Variants in CFAP74 observed in about 807,000 individuals in gnomAD.
CFAP74 encodes cilia and flagella associated protein 74.
Under a neutral mutation model 188.9 loss-of-function variants are expected in CFAP74, and 124 were observed. The ratio of observed to expected loss-of-function variants is 0.66; its 90% CI spans 0.57 to 0.76. The LOEUF (loss-of-function observed/expected upper bound fraction) is 0.76. CFAP74 is among the 30% of genes least tolerant of loss of function. CFAP74 has a pLI of 0.00. For synonymous variants in CFAP74, 956 were observed against 916.7 expected (o/e 1.04, Z -0.77); for missense variants, 2,198 against 2,165.2 (o/e 1.02, Z -0.30).
In CFAP74 at chr1:1,980,082, G is replaced by A. The variant is rs569013362; in HGVS notation, c.500+5304C>T. On this transcript the variant is annotated intron_variant, in intron 6 of 38. Coordinates refer to ENST00000682832, the MANE Select transcript of CFAP74 (RefSeq NM_001304360.2). ...CACCCTCTTACCGCGTGGGGAGGAC[G>A]GGTGAACGAGAGTGTATCTAAGCCA... Among the ~76,000 whole-genome samples, 136 of 134,520 alleles carry A rather than the reference G, an allele frequency of 1.0e-3. 2 individuals are homozygous for A. The highest frequency in any genetic ancestry group is 1.4e-3 in the Non-Finnish European group (85 of 59,478). 88.3% of individuals were successfully genotyped at this position (134,520 alleles called of 152,430 possible).
chr1:2,001,874 AT>A (rs1182847882), intron 1 of CFAP74, among the ~76,000 whole-genome samples: 12 of 152,210 alleles, frequency 7.9e-5, no homozygotes, highest in African/African-American at 2.7e-4. Flanking sequence ...CTCCAAAGTA[AT>A]TGGCCCATGA....
chr1:1,965,783 GA>G (rs1397116030), intron 12 of CFAP74, among the ~76,000 whole-genome samples: 1 of 152,190 alleles, frequency 6.6e-6, no homozygotes, highest in Non-Finnish European at 1.5e-5. Context: ...GGCATCCCCA[GA>G]ACCAGCAGAA....
chr1:1,985,589 A>C (rs1657184354), intron 5 of CFAP74, 99 bp from the exon 6 acceptor site: 2 of 977,726 alleles, frequency 2.0e-6, no homozygotes. Context: ...CTCGCTCAGG[A>C]GGGAAATCTC....
chr1:1,994,255 T>C (rs1570996551), intron 1 of CFAP74, among the ~76,000 whole-genome samples: 1 of 151,522 alleles, frequency 6.6e-6, no homozygotes, highest in South Asian at 2.1e-4. Flanking sequence ...AGCACTACCA[T>C]TTTGCATTGA....
chr1:1,954,875 A>G (rs1290860722), intron 18 of CFAP74: 4 of 1,152,384 alleles, frequency 3.5e-6, no homozygotes, highest in East Asian at 7.4e-5. Context: ...CCCTGTGGGA[A>G]CTCACACACA....
At chr1:1,971,927 C>G in intron 9 of CFAP74, 53 bp downstream of exon 9, 1 of 1,414,022 alleles carries the variant, frequency 7.1e-7, no homozygotes, top group Non-Finnish European at 9.9e-7. Context: ...GGCCCAGGGA[C>G]GGACCCCGGC....
At chr1:1,959,718 G>A (rs1362723136) in intron 15 of CFAP74, among the ~76,000 whole-genome samples, 1 of 152,192 alleles carries the variant, frequency 6.6e-6, no homozygotes, top group African/African-American at 2.4e-5. Context: ...CAGCCCTCCC[G>A]ACTTAGACCC....
Position 1,938,903 on chromosome 1 carries a change from T to C in CFAP74, c.2963A>G (p.Lys988Arg). 1 of 1,536,168 alleles carries C rather than the reference T, an allele frequency of 6.5e-7. No individual in the cohort carries two copies. The highest frequency in any genetic ancestry group is 8.7e-7 in the Non-Finnish European group (1 of 1,146,912). Residue 988 changes from lysine to arginine, a missense_variant, in exon 25 of 39, where the codon AAG (lysine) becomes AGG (arginine). Physicochemically the swap from Lys to Arg is conservative, Grantham distance 26 (BLOSUM62 2). Coordinates refer to ENST00000682832, the MANE Select transcript of CFAP74 (RefSeq NM_001304360.2). ...CAGTTGGAATCTGTGTTCCTCGGCC[T>C]TGGTGGGCTGGAAGATCACACAGAA... ...LQFCVIFQPT[K>R]AEEHRFQLTC...
chr1:1,947,705 G>A (rs1279275218), intron 18 of CFAP74, among the ~76,000 whole-genome samples: 2 of 152,234 alleles, frequency 1.3e-5, no homozygotes, highest in African/African-American at 4.8e-5. Context: ...CAGAGCAGCT[G>A]GGCCACCAGC....
intron 9 of CFAP74, 117 bp from the exon 10 acceptor site, chr1:1,970,933 A>G: frequency 1.7e-6 from 2 of 1,202,584 alleles, no homozygotes; most frequent in Non-Finnish European, 1.2e-6. Context: ...ACACGTGCAC[A>G]CACACATGCA....
Position 1,926,898 on chromosome 1 carries a change from A to T in CFAP74, c.3658T>A (p.Phe1220Ile). The change falls in exon 29 of 39, where the codon TTC becomes ATC. Residue 1220 changes from phenylalanine (F) to isoleucine (I), a missense_variant. By Grantham distance (21) the Phe-to-Ile change is conservative. Transcript: ENST00000682832. ...TCTGGCCAGAGCACCCCGCACCTGA[A>T]GCTCAGGGGTTCTGACCCCTTCCTG... Reference protein sequence around the residue: ...KDRKGSEPLSFSPHNTLYLEL... With the variant: ...KDRKGSEPLSISPHNTLYLEL... 6.5e-7 allele frequency: 1 copy of T among 1,550,006 alleles called. No individual in the cohort carries two copies. The highest frequency in any genetic ancestry group is 8.7e-7 in the Non-Finnish European group (1 of 1,146,766).
intron 33 of CFAP74, among the ~76,000 whole-genome samples, chr1:1,925,559 G>A (rs1232182329): frequency 6.6e-6 from 1 of 152,146 alleles, no homozygotes; most frequent in Non-Finnish European, 1.5e-5. Flanking sequence ...GGGAGGTGGG[G>A]AGGACTAGGG....
Position 1,939,713 on chromosome 1 carries a change from G to C in CFAP74, c.2758C>G (p.Leu920Val). ...HAIVTTSDLE[L>V]SPSEVDFGYC... ...CCAAAATCCACCTCCGAGGGACTGA[G>C]CTCCAGGTCCGAGGTGGTGACAATG... Residue 920 changes from leucine (L) to valine (V), a missense_variant, in exon 24 of 39, where the codon CTC (leucine) becomes GTC (valine). Coordinates refer to ENST00000682832, the MANE Select transcript of CFAP74 (RefSeq NM_001304360.2). The C allele has an allele frequency of 1.3e-6, 2 of 1,536,098 alleles. No individual in the cohort carries two copies. Among genetic ancestry groups the C allele is most frequent in the Non-Finnish European group, 1.7e-6 (2 of 1,146,866 alleles).
chr1:1,933,429 C>T (rs1158237321), intron 25 of CFAP74, among the ~76,000 whole-genome samples: 1 of 152,132 alleles, frequency 6.6e-6, no homozygotes, highest in Non-Finnish European at 1.5e-5. Flanking sequence ...ATCCGCCCGC[C>T]TCGGCCTCCC....
chr1:1,949,115 CT>C (rs1240284212), intron 18 of CFAP74, among the ~76,000 whole-genome samples: 94 of 124,700 alleles, frequency 7.5e-4, no homozygotes, highest in Non-Finnish European at 9.0e-4. Context: ...CCTTCCTTTC[CT>C]TTCTTCCCTT....
intron 4 of CFAP74, among the ~76,000 whole-genome samples, chr1:1,987,599 T>G (rs1335207580): frequency 1.3e-5 from 2 of 151,590 alleles, no homozygotes; most frequent in African/African-American, 2.4e-5. Context: ...TGGAGTGCAG[T>G]GGCGCGATCT....
At position 1,938,903 on chromosome 1, in the gene CFAP74, T is replaced by G. The variant is rs1173274148; in HGVS notation, c.2963A>C (p.Lys988Thr). Residue 988 changes from lysine to threonine, a missense_variant, in exon 25 of 39, where the codon AAG (lysine) becomes ACG (threonine). Physicochemically the swap from Lys to Thr is moderately conservative, Grantham distance 78. Transcript: ENST00000682832. ...CAGTTGGAATCTGTGTTCCTCGGCC[T>G]TGGTGGGCTGGAAGATCACACAGAA... ...LQFCVIFQPT[K>T]AEEHRFQLTC... The G allele has an allele frequency of 5.2e-6, 8 of 1,536,050 alleles. No homozygotes were observed. Among genetic ancestry groups the G allele is most frequent in the Non-Finnish European group, 7.0e-6 (8 of 1,146,920 alleles).
chr1:1,937,369 A>T (rs1652972265), intron 25 of CFAP74, among the ~76,000 whole-genome samples: 1 of 152,222 alleles, frequency 6.6e-6, no homozygotes, highest in Admixed American at 6.5e-5. Flanking sequence ...ACCTGTGGCA[A>T]TTCCACAGGA....
chr1:1,969,387 C>G (rs1346106294), intron 10 of CFAP74, among the ~76,000 whole-genome samples: 1 of 147,432 alleles, frequency 6.8e-6, no homozygotes, highest in Non-Finnish European at 1.5e-5. Context: ...CCTGCCAAGC[C>G]CAGCCTTGCC....
Sources: allele counts gnomAD v4.1 joint callset (sites outside exome capture counted in the v4.1 genomes callset), GRCh38; gene constraint gnomAD v4.1.1; transcripts MANE v1.5; gene names NCBI Gene and HGNC (gene_info 2026-07-23, HGNC 2026-07-21).